EHD4: variants seen among roughly 807,000 people sequenced by gnomAD.
EHD4 encodes the protein EH domain-containing protein 4.
Under a neutral mutation model 51.0 loss-of-function variants are expected in EHD4, and 37 were observed. The observed-to-expected ratio is 0.73, with a 90% CI of 0.56 to 0.95. The LOEUF is 0.95. Among genes scored for constraint, EHD4 ranks in the 40% least tolerant of loss-of-function variants. EHD4 has a pLI of 0.00. For missense variants in EHD4, 632 were observed against 733.1 expected, an observed-to-expected ratio of 0.86 and a Z score of 1.59; for synonymous variants, 297 against 317.3, an observed-to-expected ratio of 0.94 and a Z score of 0.68.
chr15:41,968,086 G>A (rs764013427), intron 1 of EHD4, among the ~76,000 whole-genome samples: 14 of 152,158 alleles, frequency 9.2e-5, no homozygotes, highest in Non-Finnish European at 1.6e-4. Flanking sequence ...TGAGTGGGCC[G>A]ATCACTTCCT....
At chr15:41,937,842 T>C (rs1015899380) in intron 3 of EHD4, among the ~76,000 whole-genome samples, 2 of 152,220 alleles carry the variant, frequency 1.3e-5, no homozygotes, top group African/African-American at 4.8e-5. Flanking sequence ...TTCCTAGCTC[T>C]GTCGATTCTT....
chr15:41,910,651 C>A (rs867560368), intron 4 of EHD4, among the ~76,000 whole-genome samples: 19 of 152,212 alleles, frequency 1.2e-4, no homozygotes, highest in South Asian at 4.1e-4. Flanking sequence ...CTCACTGCAA[C>A]CTCCACCTCC....
intron 5 of EHD4, among the ~76,000 whole-genome samples, chr15:41,905,186 G>A (rs1305578001): frequency 6.6e-6 from 1 of 152,154 alleles, no homozygotes; most frequent in Non-Finnish European, 1.5e-5. Flanking sequence ...CAAAGCTTCC[G>A]GTGACAGCAA....
chr15:41,923,927 G>A (rs1044630436), intron 3 of EHD4, among the ~76,000 whole-genome samples: 3 of 152,306 alleles, frequency 2.0e-5, no homozygotes, highest in Middle Eastern at 3.4e-3. Context: ...TCTAGACTGA[G>A]CCTAGAAAGC....
intron 5 of EHD4, among the ~76,000 whole-genome samples, chr15:41,903,453 TACACACACACAC>T (rs146543286): frequency 5.1e-4 from 73 of 144,482 alleles, no homozygotes; most frequent in African/African-American, 7.1e-4. Flanking sequence ...TTAACATACA[TACACACACACAC>T]ACACACACAC....
chr15:41,900,705 G>A lies in EHD4; in HGVS notation c.1566C>T (p.Ser522=), dbSNP rs1289139999. The A allele has an allele frequency of 1.9e-6, 3 of 1,608,818 alleles. No homozygotes were observed. In the South Asian group the frequency reaches 3.3e-5, roughly 18 times the overall value. ...GGGGCACGAGGTGGGGGGGCAGGCTGCTGGGCAGCTCGTAGCCGTCGAGCT... is the reference window on the plus strand; with the variant it reads ...GGGGCACGAGGTGGGGGGGCAGGCTACTGGGCAGCTCGTAGCCGTCGAGCT... The part of the protein sequence containing the change: ...KIKLDGYELP[S]SLPPHLVPPS... The change falls in exon 6 of 6, where the codon AGC becomes AGT. Residue 522 remains serine (S), a synonymous_variant. Coordinates refer to ENST00000220325, the MANE Select transcript of EHD4 (RefSeq NM_139265.4). The surrounding 1 kb of genome is among the most constrained non-coding windows in gnomAD (Gnocchi z 4.8).
chr15:41,898,340 T>C lies in EHD4; in HGVS notation c.*2305A>G, dbSNP rs897434037. 4 of 152,216 alleles carry C rather than the reference T, an allele frequency of 2.6e-5. No homozygotes were observed. The highest frequency in any genetic ancestry group is 9.7e-5 in the African/African-American group (4 of 41,438). The allele number at this position is 152,216 out of a possible 1,614,324, so 9.4% of individuals were successfully genotyped here. A position where few individuals can be genotyped will look rare whatever the true frequency, so the allele number is the denominator to read the frequency against. ...TCTGTATCCAGACAAAACTTACATA[T>C]GTACACGTTGTTTTAAAACGACATA... On this transcript the variant is annotated 3_prime_UTR_variant, in exon 6 of 6. Coordinates refer to ENST00000220325, the MANE Select transcript of EHD4 (RefSeq NM_139265.4).
At chr15:41,945,504 G>C (rs1367530106) in intron 2 of EHD4, among the ~76,000 whole-genome samples, 1 of 152,200 alleles carries the variant, frequency 6.6e-6, no homozygotes, top group Non-Finnish European at 1.5e-5. Flanking sequence ...AGGAGCAGCA[G>C]GTGGAGGCGG....
At chr15:41,907,021 T>A (rs759968413) in intron 5 of EHD4, among the ~76,000 whole-genome samples, 9 of 152,230 alleles carry the variant, frequency 5.9e-5, no homozygotes, top group Middle Eastern at 3.4e-3. Context: ...ACCCTGGGTG[T>A]CTTCTGACCT....
rs372255811 is a variant in EHD4 at position 41,943,048 on chromosome 15, G to C, written c.511+19C>G. ...CCTCAGCCAGCACTTGGTGGGGAGG[G>C]GCAGGGACAGGCACTGACCTCGGCT... On this transcript the variant is annotated intron_variant, in intron 3 of 5. Coordinates refer to ENST00000220325, the MANE Select transcript of EHD4 (RefSeq NM_139265.4). 30 of 1,554,638 alleles carry C rather than the reference G, an allele frequency of 1.9e-5. No individual in the cohort carries two copies. The African/African-American group carries it at 3.9e-4, about 20-fold the overall frequency.
chr15:41,963,022 C>T (rs1413233987), intron 1 of EHD4, among the ~76,000 whole-genome samples: 1 of 152,188 alleles, frequency 6.6e-6, no homozygotes, highest in Non-Finnish European at 1.5e-5. Context: ...GAAACATGTG[C>T]TGTGTCCACT....
At position 41,919,755 on chromosome 15, in the gene EHD4, G is replaced by T. The variant is rs1182333081; in HGVS notation, c.512-133C>A. 7.0e-6 allele frequency: 6 copies of T among 852,526 alleles called. No homozygotes were observed. The East Asian group carries it at 1.6e-4, about 22-fold the overall frequency. The allele number at this position is 852,526 out of a possible 1,614,324, so 52.8% of individuals were successfully genotyped here. ...TGTCTCCAACCTGGAGGCAGTGGAG[G>T]CCTGGTGACATGAAAATCACGGGCT... On this transcript the variant is annotated intron_variant, in intron 3 of 5. Coordinates refer to ENST00000220325, the MANE Select transcript of EHD4 (RefSeq NM_139265.4).
intron 3 of EHD4, among the ~76,000 whole-genome samples, chr15:41,920,541 G>A (rs2067617842): frequency 6.6e-6 from 1 of 152,206 alleles, no homozygotes; most frequent in Non-Finnish European, 1.5e-5. Flanking sequence ...CCCATGCTAG[G>A]GGTCGTCTCC....
intron 1 of EHD4, among the ~76,000 whole-genome samples, chr15:41,965,773 G>A (rs779919006): frequency 1.6e-4 from 24 of 152,110 alleles, no homozygotes; most frequent in Non-Finnish European, 2.9e-4. Context: ...TGTGAGTTAG[G>A]GAAGATAATG....
At chr15:41,959,460 T>G (rs1229821645) in intron 1 of EHD4, among the ~76,000 whole-genome samples, 2 of 136,156 alleles carry the variant, frequency 1.5e-5, no homozygotes, top group Non-Finnish European at 3.2e-5. Context: ...GATCTTAAAA[T>G]ATGTTCGTGC....
chr15:41,960,670 AT>A (rs577281838), intron 1 of EHD4, among the ~76,000 whole-genome samples: 14,937 of 127,812 alleles, frequency 0.12, 456 homozygotes, highest in South Asian at 0.21. Flanking sequence ...CTTCACTTAC[AT>A]TTTTTTTTTT....
chr15:41,911,346 C>T (rs1262794617), intron 4 of EHD4, among the ~76,000 whole-genome samples: 1 of 152,228 alleles, frequency 6.6e-6, no homozygotes, highest in Non-Finnish European at 1.5e-5. Context: ...AAATGATTTA[C>T]AAGATTCTTA....
rs1207467236 is a variant in EHD4 at position 41,963,262 on chromosome 15, C to G, written c.236+8997G>C. Among the ~76,000 whole-genome samples the G allele has an allele frequency of 4.7e-5, 7 of 150,478 alleles. No homozygotes were observed. In the South Asian group the frequency reaches 6.3e-4, roughly 14 times the overall value. On this transcript the variant is annotated intron_variant, in intron 1 of 5. Coordinates refer to ENST00000220325, the MANE Select transcript of EHD4 (RefSeq NM_139265.4). ...TCCTATGACCCTGCCAAATCCCCCC[C>G]TCGGAGAAACACCCAAGAATGATCA...
At chr15:41,914,636 A>G (rs1278495786) in intron 4 of EHD4, among the ~76,000 whole-genome samples, 1 of 152,060 alleles carries the variant, frequency 6.6e-6, no homozygotes, top group Non-Finnish European at 1.5e-5. Context: ...CATCCACAGT[A>G]GCTCAGGGCT....
Sources: allele counts gnomAD v4.1 joint callset (sites outside exome capture counted in the v4.1 genomes callset), GRCh38; gene constraint gnomAD v4.1.1; non-coding constraint Gnocchi (gnomAD v3.1); transcripts MANE v1.5; gene names NCBI Gene and HGNC (gene_info 2026-07-23, HGNC 2026-07-21).